RALGDS: variants seen among roughly 807,000 people sequenced by gnomAD.
RALGDS encodes ral guanine nucleotide dissociation stimulator, also known as ral guanine nucleotide exchange factor.
Under a neutral mutation model 99.8 loss-of-function variants are expected in RALGDS, and 44 were observed. The ratio of observed to expected loss-of-function variants is 0.44; its 90% CI spans 0.35 to 0.57. The LOEUF (loss-of-function observed/expected upper bound fraction) is 0.57. RALGDS is among the 20% of genes least tolerant of loss of function. The pLI, the probability that RALGDS is intolerant of heterozygous loss-of-function variation, is 0.01. For missense variants in RALGDS, 1,022 were observed against 1,203.1 expected (o/e 0.85, Z 2.23); for synonymous variants, 529 against 505.0 (o/e 1.05, Z -0.64).
chr9:133,105,557 C>G (rs1031207589), intron 9 of RALGDS, among the ~76,000 whole-genome samples: 4 of 152,050 alleles, frequency 2.6e-5, no homozygotes, highest in African/African-American at 9.7e-5. Flanking sequence ...AGGAGCCTGG[C>G]CTCCCGGGGA....
Position 133,121,111 on chromosome 9 carries a change from C to A in RALGDS, c.44G>T (p.Gly15Val), listed in dbSNP as rs1229743797. 4 of 1,469,658 alleles carry A rather than the reference C, an allele frequency of 2.7e-6. No individual in the cohort carries two copies. The highest frequency in any genetic ancestry group is 4.7e-5 in the Admixed American group (2 of 42,820). The allele number at this position is 1,469,658 out of a possible 1,614,324, so 91.0% of individuals were successfully genotyped here. Residue 15 changes from glycine to valine, a missense_variant, in exon 1 of 18, where the codon GGC (glycine) becomes GTC (valine). By Grantham distance (109) the Gly-to-Val change is moderately radical. Around this residue, in one of 3 missense-constraint regions of RALGDS, gnomAD observed 180 missense variants for 169.3 expected, o/e 1.06. Coordinates refer to ENST00000372050, the MANE Select transcript of RALGDS (RefSeq NM_006266.4). ...GGAGCCCGGAAACAGCGGCTCGGCGCCGCCAGCAGGCCCGGCCGCCTCGGC... is the reference window on the plus strand; with the variant it reads ...GGAGCCCGGAAACAGCGGCTCGGCGACGCCAGCAGGCCCGGCCGCCTCGGC... The part of the protein sequence containing the change: ...MWAEAAGPAG[G>V]AEPLFPGSRR...
chr9:133,127,586 C>T (rs927554295), intron 1 of RALGDS, among the ~76,000 whole-genome samples: 2 of 152,244 alleles, frequency 1.3e-5, no homozygotes, highest in Admixed American at 1.3e-4. Flanking sequence ...CCTCTGTGGG[C>T]GGGTGAGCAC....
At position 133,144,245 on chromosome 9, in the gene RALGDS, G is replaced by A. The variant is rs571033411; in HGVS notation, c.18+4718C>T. On this transcript the variant is annotated intron_variant, in intron 1 of 17. Coordinates refer to the RALGDS transcript ENST00000393160. This position sits in a 1 kb window ranked among gnomAD's most constrained non-coding sequence, Gnocchi z 4.5. ...AGAAAGGCCGGCTCAGCTTGCAGGC[G>A]AGGAACCAAACGAAAGGCAAACTCC... 9.2e-5 allele frequency among the ~76,000 whole-genome samples: 14 copies of A among 152,296 alleles called. No individual in the cohort carries two copies. The highest frequency in any genetic ancestry group is 3.9e-4 in the East Asian group (2 of 5,180).
rs1447683948 is a variant in RALGDS at position 133,107,244 on chromosome 9, C to G, written c.1254G>C (p.Arg418=). The G allele has an allele frequency of 4.3e-6, 7 of 1,613,782 alleles. No homozygotes were observed. In the South Asian group the frequency reaches 6.6e-5, roughly 15 times the overall value. The part of the protein sequence containing the change: ...YHCLGSIWSQ[R]DKKGKEHLAP... Reference sequence around the variant, plus strand: ...CCAGGTGCTCCTTGCCCTTCTTGTCCCGCTGGGACCAGATGGAGCCCAGGC... The same window carrying G: ...CCAGGTGCTCCTTGCCCTTCTTGTCGCGCTGGGACCAGATGGAGCCCAGGC... Residue 418 remains arginine, a synonymous_variant, in exon 7 of 18, where the codon CGG becomes CGC. Transcript: ENST00000372050.
At chr9:133,107,901 G>T in intron 6 of RALGDS, 87 bp downstream of exon 6, 1 of 1,523,878 alleles carries the variant, frequency 6.6e-7, no homozygotes, top group Non-Finnish European at 9.0e-7. Context: ...CAGAACATCA[G>T]CTCTGGATCA....
rs1176307480 is a variant in RALGDS, at chr9:133,102,066, C to T, written c.2083G>A (p.Gly695Ser). 1 of 1,568,242 alleles carries T rather than the reference C, an allele frequency of 6.4e-7. No individual in the cohort carries two copies. The highest frequency in any genetic ancestry group is 2.4e-5 in the East Asian group (1 of 42,530). The change falls in exon 15 of 18, where the codon GGC becomes AGC. Residue 695 changes from glycine (G) to serine (S), a missense_variant. By Grantham distance (56) the Gly-to-Ser change is moderately conservative (BLOSUM62 0). This residue lies in a region of RALGDS where 825 missense variants were observed against 994.5 expected (regional missense o/e 0.83). Coordinates refer to ENST00000372050, the MANE Select transcript of RALGDS (RefSeq NM_006266.4). ...HSKSCDQLRC[G>S]PYLSSGDIAD... ...ATGTCCCCGCTGCTGAGGTAGGGGC[C>T]ACACCTGAGCTGGTCACAGGACTTG... is the stretch of plus-strand genomic sequence containing the variant.
chr9:133,119,570 C>A (rs1021976597), intron 1 of RALGDS, among the ~76,000 whole-genome samples: 6 of 152,162 alleles, frequency 3.9e-5, no homozygotes, highest in African/African-American at 1.4e-4. Context: ...AGGGAACCTG[C>A]ACGGCCACTG....
intron 14 of RALGDS, among the ~76,000 whole-genome samples, 156 bp from the exon 15 acceptor site, chr9:133,102,295 C>T (rs1165715137): frequency 6.6e-6 from 1 of 152,192 alleles, no homozygotes; most frequent in African/African-American, 2.4e-5. Context: ...AGTATCACCC[C>T]ATTTCACAGA....
chr9:133,123,023 G>GAAGCAAGATGGGTAGATTTGATTT (rs1832002075), upstream of RALGDS, among the ~76,000 whole-genome samples: 1 of 151,668 alleles, frequency 6.6e-6, no homozygotes, highest in African/African-American at 2.4e-5. Context: ...TTTTTTTTAA[G>GAAGCAAGATGGGTAGATTTGATTT]AAGCAAGATG....
chr9:133,102,257 T>C (rs1830792339), intron 14 of RALGDS, 118 bp from the exon 15 acceptor site: 2 of 1,191,672 alleles, frequency 1.7e-6, no homozygotes, highest in African/African-American at 1.5e-5. Flanking sequence ...CAGTACTCCA[T>C]TCACCACAGC....
At chr9:133,129,948 G>A (rs1031152453) in intron 1 of RALGDS, among the ~76,000 whole-genome samples, 1 of 151,856 alleles carries the variant, frequency 6.6e-6, no homozygotes, top group South Asian at 2.1e-4. Flanking sequence ...CCAGGTATCT[G>A]GGATTACAGG....
exon 1 of RALGDS, chr9:133,149,016 G>A (rs1394534554): frequency 1.9e-6 from 3 of 1,540,234 alleles, no homozygotes; most frequent in Non-Finnish European, 2.6e-6. Flanking sequence ...GCCCCAGGGC[G>A]GGACCCGGGG....
rs1187766942 is a variant in RALGDS at position 133,112,060 on chromosome 9, C to T, written c.276G>A (p.Lys92=). ...RKVQLHHGGN[K]GQRWLGYENE... Reference sequence around the variant, plus strand: ...CACTCACCCCGAGCCAGCGCTGCCCCTTGTTGCCTCCGTGGTGCAGCTGCA... The same window carrying T: ...CACTCACCCCGAGCCAGCGCTGCCCTTTGTTGCCTCCGTGGTGCAGCTGCA... Residue 92 remains lysine, a synonymous_variant, in exon 2 of 18, where the codon AAG becomes AAA. Transcript: ENST00000372050. The T allele has an allele frequency of 6.3e-7, 1 of 1,581,678 alleles. No homozygotes were observed. The highest frequency in any genetic ancestry group is 1.3e-5 in the African/African-American group (1 of 74,132).
intron 9 of RALGDS, among the ~76,000 whole-genome samples, chr9:133,105,192 CTG>C (rs1207638160): frequency 1.3e-5 from 2 of 152,176 alleles, no homozygotes. Flanking sequence ...GTAGGGAACT[CTG>C]TGTGTGTCCA....
Position 133,110,361 on chromosome 9 carries a change from G to A in RALGDS, c.423C>T (p.Thr141=). Residue 141 remains threonine, a synonymous_variant, in exon 3 of 18, where the codon ACC becomes ACT. Coordinates refer to ENST00000372050, the MANE Select transcript of RALGDS (RefSeq NM_006266.4). ...AGGCTCTATAGGTACACAGGAAGATGGTGACGTAGGAGAGGTCGCTGCCCT... is the reference window on the plus strand; with the variant it reads ...AGGCTCTATAGGTACACAGGAAGATAGTGACGTAGGAGAGGTCGCTGCCCT... The part of the protein sequence containing the change: ...AFQGSDLSYV[T]IFLCTYRAFT... 1 of 1,613,850 alleles carries A rather than the reference G, an allele frequency of 6.2e-7. No individual in the cohort carries two copies. Among genetic ancestry groups the A allele is most frequent in the Non-Finnish European group, 8.5e-7 (1 of 1,179,996 alleles).
At chr9:133,129,458 G>A in intron 1 of RALGDS, 1 of 1,383,456 alleles carries the variant, frequency 7.2e-7, no homozygotes, top group East Asian at 2.8e-5. Flanking sequence ...ACCTGCTGCT[G>A]TGACAGGCAG....
At chr9:133,111,558 G>T (rs55805422) in intron 2 of RALGDS, among the ~76,000 whole-genome samples, 240 of 152,356 alleles carry the variant, frequency 1.6e-3, no homozygotes, top group African/African-American at 5.6e-3. Flanking sequence ...TGGGATTACA[G>T]GCATGAGCCA....
rs577131403 is a variant in RALGDS at position 133,097,817 on chromosome 9, T to G, written c.*770A>C. 1.3e-5 allele frequency: 3 copies of G among 226,536 alleles called. No individual in the cohort carries two copies. The highest frequency in any genetic ancestry group is 8.8e-6 in the Non-Finnish European group (1 of 113,758). 14.0% of individuals were successfully genotyped at this position (226,536 alleles called of 1,614,324 possible). A position where few individuals can be genotyped will look rare whatever the true frequency, so the allele number is the denominator to read the frequency against. On this transcript the variant is annotated 3_prime_UTR_variant, in exon 18 of 18. Coordinates refer to ENST00000372050, the MANE Select transcript of RALGDS (RefSeq NM_006266.4). The stretch of plus-strand genomic sequence containing the variant: ...CTCCCCAATCAGTAAACAAACATTT[T>G]TTTTTTCTTTTTGCTTTTTATACAA...
At chr9:133,132,273 G>A (rs1427602661), upstream of RALGDS, among the ~76,000 whole-genome samples, 2 of 152,204 alleles carry the variant, frequency 1.3e-5, no homozygotes, top group Admixed American at 6.5e-5. Context: ...CGGGAGAGAC[G>A]CCCTGTGCAG....
Sources: allele counts gnomAD v4.1 joint callset (sites outside exome capture counted in the v4.1 genomes callset), GRCh38; gene constraint gnomAD v4.1.1; regional missense constraint gnomAD v4.1.1; non-coding constraint Gnocchi (gnomAD v3.1); transcripts MANE v1.5; gene names NCBI Gene and HGNC (gene_info 2026-07-23, HGNC 2026-07-21).